Variants in CLASP1 observed in about 807,000 individuals in gnomAD.
CLASP1 encodes the protein cytoplasmic linker associated protein 1, also known as CLIP-associating protein 1.
Under a neutral mutation model 192.3 loss-of-function variants are expected in CLASP1, and 38 were observed. The observed-to-expected ratio is 0.20, with a 90% CI of 0.15 to 0.26. The LOEUF (loss-of-function observed/expected upper bound fraction) is 0.26. Ranked by LOEUF, CLASP1 falls within the 10% of genes least tolerant of loss-of-function variation. The pLI is 1.00. For synonymous variants in CLASP1, 691 were observed against 712.8 expected (o/e 0.97, Z 0.49); for missense variants, 1,433 against 1,932.5 (o/e 0.74, Z 4.85).
chr2:121,593,949 G>C (rs185735945), intron 2 of CLASP1, among the ~76,000 whole-genome samples: 1 of 141,398 alleles, frequency 7.1e-6, no homozygotes, highest in Non-Finnish European at 1.5e-5. Context: ...CGGAGGTTGC[G>C]GTGAGCCGAG....
chr2:121,516,891 T>C (rs954930948), intron 6 of CLASP1, among the ~76,000 whole-genome samples: 2 of 152,104 alleles, frequency 1.3e-5, no homozygotes, highest in Non-Finnish European at 2.9e-5. Context: ...TAGCCGGGCG[T>C]GGTGGTGCAT....
At chr2:121,571,775 G>A (rs567322697) in intron 2 of CLASP1, among the ~76,000 whole-genome samples, 2 of 152,310 alleles carry the variant, frequency 1.3e-5, no homozygotes, top group African/African-American at 4.8e-5. Context: ...TGTGGCTACA[G>A]TATGGAGGGA....
intron 38 of CLASP1, among the ~76,000 whole-genome samples, chr2:121,347,802 T>G (rs1369923856): frequency 6.6e-6 from 1 of 152,182 alleles, no homozygotes; most frequent in African/African-American, 2.4e-5. Flanking sequence ...CCTCAACAAT[T>G]AAGTGTTTAG....
intron 11 of CLASP1, among the ~76,000 whole-genome samples, chr2:121,460,363 G>A (rs1028962926): frequency 1.3e-5 from 2 of 151,906 alleles, no homozygotes; most frequent in Admixed American, 1.3e-4. Flanking sequence ...TATAATTTCT[G>A]CAAAAAAAGT....
At chr2:121,516,873 A>G (rs2094312885) in intron 6 of CLASP1, among the ~76,000 whole-genome samples, 1 of 152,040 alleles carries the variant, frequency 6.6e-6, no homozygotes, top group South Asian at 2.1e-4. Context: ...CTATAAATAC[A>G]AAAAAATTAG....
At chr2:121,355,200 G>T (rs1407685196) in intron 37 of CLASP1, among the ~76,000 whole-genome samples, 1 of 152,134 alleles carries the variant, frequency 6.6e-6, no homozygotes, top group Admixed American at 6.5e-5. Flanking sequence ...CCAGGCTGGA[G>T]TGCAGTGGCG....
At position 121,521,550 on chromosome 2, in the gene CLASP1, C is replaced by G. The variant is rs111930877; in HGVS notation, c.546+4295G>C. 6.3e-3 allele frequency among the ~76,000 whole-genome samples: 965 copies of G among 152,272 alleles called. 12 individuals are homozygous for G. Among genetic ancestry groups the G allele is most frequent in the African/African-American group, 0.022 (922 of 41,538 alleles). On this transcript the variant is annotated intron_variant, in intron 6 of 39. Coordinates refer to ENST00000263710, the Ensembl canonical transcript of CLASP1. The stretch of plus-strand genomic sequence containing the variant: ...CAGAATGACACATTTCCCCACTGCT[C>G]TAATGATTCTGAGTTGGGCTTTCAG...
chr2:121,447,464 G>T, exon 19 of CLASP1: 1 of 1,556,630 alleles, frequency 6.4e-7, no homozygotes, highest in Non-Finnish European at 8.7e-7. Flanking sequence ...GAGATCGCTG[G>T]AGGGACCCAG....
chr2:121,372,089 C>CT (rs2068866381), intron 34 of CLASP1, among the ~76,000 whole-genome samples: 1 of 152,198 alleles, frequency 6.6e-6, no homozygotes, highest in African/African-American at 2.4e-5. Flanking sequence ...AAGGAAAGGT[C>CT]TTAACTTTAC....
intron 30 of CLASP1, among the ~76,000 whole-genome samples, chr2:121,395,892 C>T (rs531792708): frequency 2.0e-5 from 3 of 152,088 alleles, no homozygotes; most frequent in Admixed American, 6.5e-5. Context: ...AGCAACACTC[C>T]GTAGCAAGAG....
At chr2:121,592,218 G>A (rs1432360433) in intron 2 of CLASP1, among the ~76,000 whole-genome samples, 3 of 152,124 alleles carry the variant, frequency 2.0e-5, no homozygotes, top group African/African-American at 7.2e-5. Flanking sequence ...CCCACAAAGC[G>A]TCCTTTAATA....
At chr2:121,593,836 C>T (rs2062750377) in intron 2 of CLASP1, among the ~76,000 whole-genome samples, 1 of 150,300 alleles carries the variant, frequency 6.7e-6, no homozygotes, top group African/African-American at 2.5e-5. Flanking sequence ...CATGGAGAAA[C>T]CCCATCTTTA....
intron 37 of CLASP1, among the ~76,000 whole-genome samples, chr2:121,362,357 G>A (rs1297363269): frequency 1.3e-5 from 2 of 151,906 alleles, no homozygotes; most frequent in African/African-American, 2.4e-5. Flanking sequence ...CATAGGGGCT[G>A]GACAATCCAA....
At chr2:121,429,990 T>C (rs1317819710) in intron 20 of CLASP1, 83 bp downstream of exon 20, 18 of 1,050,050 alleles carry the variant, frequency 1.7e-5, no homozygotes, top group African/African-American at 7.9e-5. Context: ...CTGAAGTCAA[T>C]ATAGAGATTG....
chr2:121,483,104 T>A (rs531153943), intron 8 of CLASP1, among the ~76,000 whole-genome samples: 1 of 152,194 alleles, frequency 6.6e-6, no homozygotes, highest in East Asian at 1.9e-4. Flanking sequence ...CTCTTCTAGA[T>A]ACCAAAGCTC....
chr2:121,353,030 C>T (rs1233324793), intron 37 of CLASP1, among the ~76,000 whole-genome samples: 1 of 152,136 alleles, frequency 6.6e-6, no homozygotes, highest in Non-Finnish European at 1.5e-5. Context: ...ATTTTAGCTA[C>T]AAAACACATG....
chr2:121,417,239 C>T (rs192389889), intron 23 of CLASP1, among the ~76,000 whole-genome samples: 30 of 152,274 alleles, frequency 2.0e-4, no homozygotes, highest in Admixed American at 8.5e-4. Context: ...ACCTTGCCTG[C>T]TCCACATGCC....
chr2:121,631,025 GGCAGGCGCCCATAGTCCCA>G (rs1576610693), intron 1 of CLASP1, among the ~76,000 whole-genome samples: 1 of 151,314 alleles, frequency 6.6e-6, no homozygotes. Context: ...CGGGTGTGGT[GGCAGGCGCCCATAGTCCCA>G]GCTACTCGGG....
intron 1 of CLASP1, among the ~76,000 whole-genome samples, chr2:121,628,224 T>C (rs918156430): frequency 3.6e-4 from 55 of 152,230 alleles, no homozygotes; most frequent in Non-Finnish European, 1.8e-4. Flanking sequence ...AACTGGGTTG[T>C]ACTACATACA....
Sources: gnomAD v4.1 joint callset for allele counts (sites outside exome capture counted in the v4.1 genomes callset) on GRCh38, gnomAD v4.1.1 for gene constraint, MANE v1.5 for transcripts, NCBI Gene and HGNC (gene_info 2026-07-23, HGNC 2026-07-21) for gene names.